Variants in AUTS2 observed in about 807,000 individuals in gnomAD.
AUTS2 encodes the protein activator of transcription and developmental regulator AUTS2.
AUTS2 carries 17 observed loss-of-function variants against 112.4 expected under a neutral mutation model. The ratio of observed to expected loss-of-function variants is 0.15; its 90% confidence interval spans 0.10 to 0.23. The LOEUF is 0.23. AUTS2 is among the 10% of genes least tolerant of loss of function. The probability of loss-of-function intolerance (pLI) is 1.00; values close to 1 mark genes in which losing one functional copy is unlikely to be tolerated. For missense variants in AUTS2, 1,510 were observed against 1,701.6 expected (o/e 0.89, Z 1.98); for synonymous variants, 751 against 702.7 (o/e 1.07, Z -1.09).
chr7:69,822,495 C>G (rs931740201), intron 1 of AUTS2, among the ~76,000 whole-genome samples: 19 of 152,156 alleles, frequency 1.2e-4, no homozygotes, highest in African/African-American at 3.6e-4. Context: ...GCCTGCAAAG[C>G]CTGTACCCTT....
intron 1 of AUTS2, among the ~76,000 whole-genome samples, chr7:69,642,020 T>C (rs1022762235): frequency 1.1e-4 from 17 of 152,232 alleles, no homozygotes; most frequent in Admixed American, 7.2e-4. Flanking sequence ...ATTTTCTTTG[T>C]GACCTTGGGC....
At chr7:70,290,681 A>G (rs2129611895) in intron 4 of AUTS2, 1 of 1,337,778 alleles carries the variant, frequency 7.5e-7, no homozygotes, top group Non-Finnish European at 9.5e-7. Context: ...CCTCATCCCA[A>G]TTCAGGTATC....
chr7:70,550,536 G>A (rs1800975901), intron 5 of AUTS2, among the ~76,000 whole-genome samples: 1 of 152,118 alleles, frequency 6.6e-6, no homozygotes, highest in African/African-American at 2.4e-5. Flanking sequence ...AGCTTCTAAG[G>A]AGGATCCTCA....
At chr7:69,708,119 A>G (rs1484086026) in intron 1 of AUTS2, among the ~76,000 whole-genome samples, 1 of 152,122 alleles carries the variant, frequency 6.6e-6, no homozygotes, top group Non-Finnish European at 1.5e-5. Flanking sequence ...ATGAAAGCTC[A>G]GTTTGTTCAA....
At chr7:70,422,170 C>G (rs1254516367) in intron 4 of AUTS2, among the ~76,000 whole-genome samples, 1 of 152,164 alleles carries the variant, frequency 6.6e-6, no homozygotes, top group African/African-American at 2.4e-5. Context: ...GAACCATTCT[C>G]ATTATCTCAA....
At chr7:70,252,505 A>G (rs958516848) in intron 4 of AUTS2, among the ~76,000 whole-genome samples, 1 of 152,084 alleles carries the variant, frequency 6.6e-6, no homozygotes, top group Non-Finnish European at 1.5e-5. Flanking sequence ...TATTAACCCC[A>G]TATTAAATAT....
chr7:70,004,964 A>G (rs1799479326), intron 2 of AUTS2, among the ~76,000 whole-genome samples: 1 of 151,870 alleles, frequency 6.6e-6, no homozygotes, highest in African/African-American at 2.4e-5. Flanking sequence ...AGCTGGGATT[A>G]CAGGCACCTA....
chr7:69,938,644 G>C (rs1796507944), intron 2 of AUTS2, among the ~76,000 whole-genome samples: 1 of 152,190 alleles, frequency 6.6e-6, no homozygotes, highest in Non-Finnish European at 1.5e-5. Context: ...GAGATAAGCA[G>C]TACACCCTAA....
chr7:70,085,369 CT>C (rs200850139), intron 2 of AUTS2, among the ~76,000 whole-genome samples: 2,184 of 141,986 alleles, frequency 0.015, 38 homozygotes, highest in East Asian at 0.072. Flanking sequence ...TTTTTGCATA[CT>C]TTTTTTTTTT....
intron 2 of AUTS2, among the ~76,000 whole-genome samples, chr7:69,920,448 G>A (rs765751374): frequency 1.9e-4 from 29 of 151,984 alleles, no homozygotes; most frequent in Admixed American, 3.9e-4. Flanking sequence ...CACCATGCCC[G>A]GCTGTTTTTG....
intron 2 of AUTS2, among the ~76,000 whole-genome samples, chr7:70,030,184 C>T (rs1800710538): frequency 6.6e-6 from 1 of 152,140 alleles, no homozygotes. Flanking sequence ...GATAAGGCCT[C>T]CCTATCTGCA....
intron 5 of AUTS2, among the ~76,000 whole-genome samples, chr7:70,492,345 T>A (rs1035634650): frequency 1.3e-5 from 2 of 151,966 alleles, no homozygotes; most frequent in Non-Finnish European, 2.9e-5. Context: ...TTGACACTGA[T>A]GCTGGCGAGA....
At chr7:70,032,295 T>A (rs1170337835) in intron 2 of AUTS2, among the ~76,000 whole-genome samples, 1 of 152,182 alleles carries the variant, frequency 6.6e-6, no homozygotes, top group Non-Finnish European at 1.5e-5. Context: ...ATAGGCTCAC[T>A]GTATGGCAAG....
chr7:70,453,030 T>A (rs997408789), intron 5 of AUTS2, among the ~76,000 whole-genome samples: 16 of 152,156 alleles, frequency 1.1e-4, no homozygotes, highest in Non-Finnish European at 2.9e-5. Flanking sequence ...CCCTATCCTG[T>A]CTTGAACTTC....
intron 2 of AUTS2, among the ~76,000 whole-genome samples, chr7:69,925,926 G>T (rs1216945484): frequency 6.6e-6 from 1 of 152,190 alleles, no homozygotes; most frequent in Non-Finnish European, 1.5e-5. Flanking sequence ...ATGGAGGTAG[G>T]AGGATCACTT....
intron 5 of AUTS2, among the ~76,000 whole-genome samples, chr7:70,650,095 C>T (rs535169049): frequency 1.4e-4 from 21 of 152,212 alleles, no homozygotes; most frequent in East Asian, 1.2e-3. Flanking sequence ...TCAAGATGGC[C>T]GCCATAGTTA....
chr7:70,500,824 C>A (rs1433666521), intron 5 of AUTS2, among the ~76,000 whole-genome samples: 1 of 151,902 alleles, frequency 6.6e-6, no homozygotes, highest in Non-Finnish European at 1.5e-5. Flanking sequence ...CAGGTTCAAG[C>A]GATTCTCCCG....
chr7:70,057,628 A>G (rs1346318615), intron 2 of AUTS2, among the ~76,000 whole-genome samples: 1 of 152,202 alleles, frequency 6.6e-6, no homozygotes, highest in East Asian at 1.9e-4. Flanking sequence ...GAAGCACAAA[A>G]TCTACCCACC....
At chr7:70,177,309 C>A (rs1251849871) in intron 4 of AUTS2, among the ~76,000 whole-genome samples, 1 of 152,128 alleles carries the variant, frequency 6.6e-6, no homozygotes, top group Non-Finnish European at 1.5e-5. Context: ...TAGTGAGGAG[C>A]CTGAGGCTTA....
Sources: gnomAD v4.1 joint callset for allele counts (sites outside exome capture counted in the v4.1 genomes callset) on GRCh38, gnomAD v4.1.1 for gene constraint, MANE v1.5 for transcripts, NCBI Gene and HGNC (gene_info 2026-07-23, HGNC 2026-07-21) for gene names.